EBF4: variants seen among roughly 807,000 people sequenced by gnomAD.
EBF4 encodes transcription factor COE4.
EBF4 carries 34 observed loss-of-function variants against 67.1 expected under a neutral mutation model. The observed-to-expected ratio is 0.51, with a 90% CI of 0.39 to 0.67. The LOEUF (loss-of-function observed/expected upper bound fraction) is 0.67. Ranked by LOEUF, EBF4 falls within the 30% of genes least tolerant of loss-of-function variation. The pLI is 0.00. For synonymous variants in EBF4, 387 were observed against 377.7 expected (o/e 1.02, Z -0.29); for missense variants, 837 against 873.3 (o/e 0.96, Z 0.52).
At chr20:2,759,235 C>G in intron 16 of EBF4, 33 bp from the exon 17 acceptor site, 1 of 547,510 alleles carries the variant, frequency 1.8e-6, no homozygotes, top group Non-Finnish European at 3.3e-6. Context: ...CCTTCCTCCC[C>G]GACCTTCTTC....
At chr20:2,752,197 G>A in exon 13 of EBF4, 1 of 1,425,262 alleles carries the variant, frequency 7.0e-7, no homozygotes, top group Non-Finnish European at 9.2e-7. Context: ...CGCCGTCGTG[G>A]GCATCAACGC....
At chr20:2,752,180 C>A (rs1555789551) in exon 13 of EBF4, 1 of 1,433,914 alleles carries the variant, frequency 7.0e-7, no homozygotes. Context: ...CCGAGCCACC[C>A]ACACCCCGCC....
At chr20:2,749,894 C>T (rs2088114741) in exon 10 of EBF4, 1 of 1,551,558 alleles carries the variant, frequency 6.4e-7, no homozygotes, top group Non-Finnish European at 8.7e-7. Context: ...CGCGGCACAT[C>T]CCCGGGGTGG....
Position 2,747,313 on chromosome 20 carries a change from C to CAA in EBF4, c.558-1234_558-1233dup, listed in dbSNP as rs1415178435. ...CTCTGTCTCAAAACAAAAAACAAAA[C>CAA]AAACAAAAAAAAAAAAACAGGAAAA... is the stretch of plus-strand genomic sequence containing the variant. On this transcript the variant is annotated intron_variant, in intron 6 of 16. Coordinates refer to ENST00000609451, the Ensembl canonical transcript of EBF4. This position sits in a 1 kb window ranked among gnomAD's most constrained non-coding sequence, Gnocchi z 4.6. Among the ~76,000 whole-genome samples, 15,486 of 122,548 alleles carry CAA rather than the reference C, an allele frequency of 0.13. 881 individuals are homozygous for CAA. Among genetic ancestry groups the CAA allele is most frequent in the East Asian group, 0.16 (671 of 4,238 alleles). 80.4% of individuals were successfully genotyped at this position (122,548 alleles called of 152,430 possible). A position where few individuals can be genotyped will look rare whatever the true frequency, so the allele number is the denominator to read the frequency against.
At position 2,751,628 on chromosome 20, in the gene EBF4, G is replaced by C. The variant is rs556913512; in HGVS notation, c.1019-72G>C. On this transcript the variant is annotated intron_variant, in intron 10 of 16. Coordinates refer to ENST00000609451, the Ensembl canonical transcript of EBF4. This position sits in a 1 kb window ranked among gnomAD's most constrained non-coding sequence, Gnocchi z 5.2. ...CGGACTGGGCGCTGGCCTGCTTTTG[G>C]CGCCCTGCGTCTCACCCTGGGAGTG... 44 of 1,480,306 alleles carry C rather than the reference G, an allele frequency of 3.0e-5. No homozygotes were observed. In the South Asian group the frequency reaches 4.7e-4, roughly 16 times the overall value. The allele number at this position is 1,480,306 out of a possible 1,614,324, so 91.7% of individuals were successfully genotyped here. A position where few individuals can be genotyped will look rare whatever the true frequency, so the allele number is the denominator to read the frequency against.
rs773031542 is a variant in EBF4 at position 2,707,989 on chromosome 20, C to T, written c.457C>T (p.Arg153Ter). The change falls in exon 5 of 17, where the codon CGA (arginine) becomes TGA (stop). Residue 153 changes from arginine (R) to a stop codon, truncating the protein, a stop_gained. Coordinates refer to ENST00000609451, the Ensembl canonical transcript of EBF4. LOFTEE classifies it high-confidence loss of function. The surrounding 1 kb of genome is among the most constrained non-coding windows in gnomAD (Gnocchi z 4.6). ...GCAGGACAAGAACCCCGAAATGTGCCGAGTGCTGCTCACCCATGAGATCAT... is the reference window on the plus strand; with the variant it reads ...GCAGGACAAGAACCCCGAAATGTGCTGAGTGCTGCTCACCCATGAGATCAT... 4.4e-6 allele frequency: 7 copies of T among 1,609,192 alleles called. No homozygotes were observed. Among genetic ancestry groups the T allele is most frequent in the South Asian group, 2.2e-5 (2 of 90,248 alleles).
At chr20:2,735,136 G>A (rs776911023) in intron 6 of EBF4, among the ~76,000 whole-genome samples, 2 of 152,194 alleles carry the variant, frequency 1.3e-5, no homozygotes, top group Non-Finnish European at 2.9e-5. Flanking sequence ...CAAACACCCT[G>A]AAGATAGGGT....
chr20:2,745,997 T>G lies in EBF4; in HGVS notation c.558-2552T>G, dbSNP rs1183700785. Among the ~76,000 whole-genome samples, 1 of 152,100 alleles carries G rather than the reference T, an allele frequency of 6.6e-6. No individual in the cohort carries two copies. Among genetic ancestry groups the G allele is most frequent in the Non-Finnish European group, 1.5e-5 (1 of 68,006 alleles). ...CAGAGACCATGCCCCATCCTGGTGT[T>G]TTTCCCTCCATCTAGCACCTGCCAA... On this transcript the variant is annotated intron_variant, in intron 6 of 16. Coordinates refer to ENST00000609451, the Ensembl canonical transcript of EBF4. This position sits in a 1 kb window ranked among gnomAD's most constrained non-coding sequence, Gnocchi z 5.2.
In EBF4 at chr20:2,752,081, C is replaced by T; in HGVS notation, c.1174-5C>T. 1 of 1,452,572 alleles carries T rather than the reference C, an allele frequency of 6.9e-7. No individual in the cohort carries two copies. The highest frequency in any genetic ancestry group is 1.5e-5 in the African/African-American group (1 of 67,132). The allele number at this position is 1,452,572 out of a possible 1,614,324, so 90.0% of individuals were successfully genotyped here. A position where few individuals can be genotyped will look rare whatever the true frequency, so the allele number is the denominator to read the frequency against. ...CCCGGCCGTGCCCCGCTCTTGTCTTCGCAGGAGCTGCTCCTGAAGCGCGCG... is the reference window on the plus strand; with the variant it reads ...CCCGGCCGTGCCCCGCTCTTGTCTTTGCAGGAGCTGCTCCTGAAGCGCGCG... On this transcript the variant is annotated splice_polypyrimidine_tract_variant and splice_region_variant and intron_variant, in intron 12 of 16. Transcript: ENST00000609451.
intron 15 of EBF4, among the ~76,000 whole-genome samples, chr20:2,757,273 TC>T (rs2146524647): frequency 6.6e-6 from 1 of 152,274 alleles, no homozygotes; most frequent in East Asian, 1.9e-4. Context: ...GTCCGCAGCG[TC>T]CCACAGAATC....
intron 12 of EBF4, 45 bp downstream of exon 12, chr20:2,752,032 C>A (rs191751663): frequency 0.032 from 47,622 of 1,505,870 alleles, 866 homozygotes; most frequent in Middle Eastern, 0.053. Flanking sequence ...CCGGGGCCCC[C>A]CAGCACGCGG....
intron 6 of EBF4, among the ~76,000 whole-genome samples, chr20:2,714,252 A>G (rs1036778529): frequency 6.6e-6 from 1 of 152,088 alleles, no homozygotes; most frequent in Admixed American, 6.5e-5. Context: ...CTGTCTGTTC[A>G]TATCCTGTGC....
chr20:2,697,819 G>T (rs938408737), intron 1 of EBF4, among the ~76,000 whole-genome samples: 2 of 152,220 alleles, frequency 1.3e-5, no homozygotes, highest in African/African-American at 4.8e-5. Context: ...CACAGAAGTA[G>T]CTCTCTTCTC....
chr20:2,756,341 A>T lies in EBF4; in HGVS notation c.1738+517A>T, dbSNP rs966069236. Among the ~76,000 whole-genome samples the T allele has an allele frequency of 6.6e-6, 1 of 152,186 alleles. No individual in the cohort carries two copies. The highest frequency in any genetic ancestry group is 1.5e-5 in the Non-Finnish European group (1 of 68,022). Reference sequence around the variant, plus strand: ...AGACCAAGTCATCTTCCCACATCCCATTCATGAAATGGCTGTTCTCTCACT... The same window carrying T: ...AGACCAAGTCATCTTCCCACATCCCTTTCATGAAATGGCTGTTCTCTCACT... On this transcript the variant is annotated intron_variant, in intron 15 of 16. Coordinates refer to ENST00000609451, the Ensembl canonical transcript of EBF4. This position sits in a 1 kb window ranked among gnomAD's most constrained non-coding sequence, Gnocchi z 4.5.
At chr20:2,703,033 T>C (rs1464443164) in intron 1 of EBF4, among the ~76,000 whole-genome samples, 1 of 152,088 alleles carries the variant, frequency 6.6e-6, no homozygotes, top group Non-Finnish European at 1.5e-5. Flanking sequence ...CCCAGCACTT[T>C]GGGAGGCCAA....
At chr20:2,737,474 C>T (rs2087905088) in intron 6 of EBF4, among the ~76,000 whole-genome samples, 1 of 152,060 alleles carries the variant, frequency 6.6e-6, no homozygotes, top group Admixed American at 6.5e-5. Context: ...TCTCACCTCC[C>T]AGAGCTTCAG....
chr20:2,717,652 GC>G (rs2087627719), intron 6 of EBF4, among the ~76,000 whole-genome samples: 1 of 151,936 alleles, frequency 6.6e-6, no homozygotes, highest in Non-Finnish European at 1.5e-5. Context: ...CTTTAGATTT[GC>G]CTTGTTTTTA....
intron 6 of EBF4, among the ~76,000 whole-genome samples, chr20:2,728,703 T>G (rs1370102454): frequency 6.6e-6 from 1 of 152,120 alleles, no homozygotes; most frequent in Non-Finnish European, 1.5e-5. Context: ...GACCTGATTC[T>G]TTATCCACAG....
At chr20:2,702,084 G>A (rs1446002845) in intron 1 of EBF4, among the ~76,000 whole-genome samples, 1 of 152,186 alleles carries the variant, frequency 6.6e-6, no homozygotes, top group African/African-American at 2.4e-5. Flanking sequence ...AAAGATGGAG[G>A]GACAGTGAAT....
Sources: allele counts gnomAD v4.1 joint callset (sites outside exome capture counted in the v4.1 genomes callset), GRCh38; gene constraint gnomAD v4.1.1; non-coding constraint Gnocchi (gnomAD v3.1); transcripts MANE v1.5; gene names NCBI Gene and HGNC (gene_info 2026-07-23, HGNC 2026-07-21).